The following TRPM6 variants were observed in gnomAD, a reference collection of about 807,000 sequenced individuals.
TRPM6 encodes channel kinase 2.
In TRPM6, 111 loss-of-function variants were observed where a neutral mutation model predicts 247.6. That is an observed-to-expected ratio of 0.45 (90% CI 0.38 to 0.52). TRPM6 has a LOEUF of 0.52. TRPM6 is among the 20% of genes least tolerant of loss of function. The pLI is 0.00. For missense variants in TRPM6, 2,126 were observed against 2,421.5 expected (o/e 0.88, Z 2.56); for synonymous variants, 892 against 853.8 (o/e 1.04, Z -0.78).
In TRPM6 at chr9:74,858,755, A is replaced by C; in HGVS notation, c.34-7T>G. The C allele has an allele frequency of 6.2e-7, 1 of 1,604,130 alleles. No homozygotes were observed. Among genetic ancestry groups the C allele is most frequent in the Non-Finnish European group, 8.5e-7 (1 of 1,171,236 alleles). On this transcript the variant is annotated splice_region_variant and splice_polypyrimidine_tract_variant and intron_variant, in intron 1 of 38. Coordinates refer to ENST00000360774, the MANE Select transcript of TRPM6 (RefSeq NM_017662.5). The stretch of plus-strand genomic sequence containing the variant: ...TAATCCAGGATTTCTGGGACTAAAA[A>C]GAAAGTGTCATTATTTTATACTCTA...
chr9:74,838,048 C>T (rs939882437), intron 5 of TRPM6, among the ~76,000 whole-genome samples: 1 of 152,254 alleles, frequency 6.6e-6, no homozygotes, highest in East Asian at 1.9e-4. Context: ...CTGTATCTGG[C>T]CTGACTGTTG....
At chr9:74,811,899 C>T (rs1828742136) in intron 12 of TRPM6, among the ~76,000 whole-genome samples, 2 of 152,120 alleles carry the variant, frequency 1.3e-5, no homozygotes. Flanking sequence ...GAGAAGAGTG[C>T]AGAAGGGAGC....
intron 18 of TRPM6, among the ~76,000 whole-genome samples, chr9:74,795,114 C>T (rs542765944): frequency 6.6e-6 from 1 of 152,134 alleles, no homozygotes; most frequent in East Asian, 1.9e-4. Context: ...TCCAGTTATC[C>T]TTGTGTCCCT....
In TRPM6 at chr9:74,739,765, A is replaced by G; in HGVS notation, c.5445T>C (p.His1815=). Residue 1815 remains histidine (H), a synonymous_variant, in exon 34 of 39, where the codon CAT becomes CAC. Coordinates refer to ENST00000360774, the MANE Select transcript of TRPM6 (RefSeq NM_017662.5). ...GCACAGTGCTCTCCTGGAAGATTTTATGCCATGTCCGCACAACCTCAGGAA... is the reference window on the plus strand; with the variant it reads ...GCACAGTGCTCTCCTGGAAGATTTTGTGCCATGTCCGCACAACCTCAGGAA... ...SFLPEVVRTW[H]KIFQESTVLH... is the part of the protein sequence containing the mutation. The G allele has an allele frequency of 6.2e-7, 1 of 1,614,030 alleles. No individual in the cohort carries two copies.
chr9:74,737,541 G>C (rs1415718811), intron 36 of TRPM6: 2 of 693,240 alleles, frequency 2.9e-6, no homozygotes, highest in Non-Finnish European at 4.4e-6. Flanking sequence ...ACTCTTAAAA[G>C]AAATAAAAGA....
At chr9:74,763,984 A>T (rs1294059926) in intron 25 of TRPM6, among the ~76,000 whole-genome samples, 1 of 152,146 alleles carries the variant, frequency 6.6e-6, no homozygotes, top group Non-Finnish European at 1.5e-5. Context: ...TCCCATCTCT[A>T]CTAAAAAATA....
intron 25 of TRPM6, among the ~76,000 whole-genome samples, chr9:74,769,869 G>A (rs1826970187): frequency 6.6e-6 from 1 of 152,046 alleles, no homozygotes; most frequent in Admixed American, 6.6e-5. Flanking sequence ...AGTGCCTAAA[G>A]CAGGACTTCA....
intron 5 of TRPM6, among the ~76,000 whole-genome samples, chr9:74,835,296 G>C (rs539932694): frequency 6.6e-6 from 1 of 152,066 alleles, no homozygotes; most frequent in East Asian, 1.9e-4. Context: ...ATTTCTTCTT[G>C]TAAATTTGTT....
intron 21 of TRPM6, among the ~76,000 whole-genome samples, chr9:74,783,904 T>G (rs894203287): frequency 6.6e-6 from 1 of 152,196 alleles, no homozygotes; most frequent in African/African-American, 2.4e-5. Flanking sequence ...AAGCCAAAGA[T>G]GATCTTGAGA....
chr9:74,746,782 T>C (rs1299253896), intron 31 of TRPM6, among the ~76,000 whole-genome samples: 1 of 134,642 alleles, frequency 7.4e-6, no homozygotes, highest in Non-Finnish European at 1.5e-5. Context: ...ATGGTGGCTT[T>C]AAGGCAGGAG....
rs529490304 is a variant in TRPM6 at position 74,762,748 on chromosome 9, C to A, written c.3923G>T (p.Arg1308Ile). The A allele has an allele frequency of 5.7e-5, 92 of 1,614,170 alleles. No individual in the cohort carries two copies. In the South Asian group the frequency reaches 9.6e-4, roughly 17 times the overall value. Residue 1308 changes from arginine to isoleucine, a missense_variant, in exon 26 of 39, where the codon AGA becomes ATA. By Grantham distance (97) the Arg-to-Ile change is moderately conservative (BLOSUM62 -3). This residue lies in a region of TRPM6 where 717 missense variants were observed against 715.9 expected (regional missense o/e 1.00). Transcript: ENST00000360774. ...GALLEITNSK[R>I]EATNVRNDQE... is the part of the protein sequence containing the mutation. ...GTCATTTCTTACATTTGTAGCCTCT[C>A]TTTTACTGTTTGTAATCTCAAGAAG...
At chr9:74,748,966 T>C (rs1397642844) in intron 30 of TRPM6, among the ~76,000 whole-genome samples, 1 of 152,206 alleles carries the variant, frequency 6.6e-6, no homozygotes, top group African/African-American at 2.4e-5. Context: ...AAGCATCCTA[T>C]ACAGGTGTAC....
intron 1 of TRPM6, among the ~76,000 whole-genome samples, chr9:74,864,910 A>G (rs1263649044): frequency 6.6e-6 from 1 of 152,032 alleles, no homozygotes; most frequent in African/African-American, 2.4e-5. Flanking sequence ...TGTCTCTACT[A>G]AAAATACAAA....
chr9:74,762,332 G>T lies in TRPM6; in HGVS notation c.4339C>A (p.Gln1447Lys). The T allele has an allele frequency of 6.2e-7, 1 of 1,614,200 alleles. No individual in the cohort carries two copies. The highest frequency in any genetic ancestry group is 1.3e-5 in the African/African-American group (1 of 75,040). ...CAGTTTACATATCCACCTCCAGTTT[G>T]CATGATCTTGGCTTGGGAAAGAGGG... Reference protein sequence around the residue: ...SSPLSQAKIMQTGGGYVNWAF... With the variant: ...SSPLSQAKIMKTGGGYVNWAF... Residue 1447 changes from glutamine (Q) to lysine (K), a missense_variant, in exon 26 of 39, where the codon CAA becomes AAA. Gln to Lys is a moderately conservative substitution (Grantham distance 53). Around this residue, in one of 3 missense-constraint regions of TRPM6, gnomAD observed 717 missense variants for 715.9 expected, o/e 1.00. Coordinates refer to ENST00000360774, the MANE Select transcript of TRPM6 (RefSeq NM_017662.5).
At chr9:74,749,245 T>C (rs986018895) in intron 30 of TRPM6, among the ~76,000 whole-genome samples, 48 of 152,196 alleles carry the variant, frequency 3.2e-4, no homozygotes, top group African/African-American at 1.1e-3. Context: ...TGACTGTATA[T>C]ATATTTGAAA....
chr9:74,817,177 C>T (rs1828964863), intron 9 of TRPM6, among the ~76,000 whole-genome samples: 1 of 152,042 alleles, frequency 6.6e-6, no homozygotes, highest in African/African-American at 2.4e-5. Flanking sequence ...TCCACATATC[C>T]AGAGGAAACA....
chr9:74,846,167 G>A (rs7874125), intron 3 of TRPM6, among the ~76,000 whole-genome samples: 3,167 of 152,234 alleles, frequency 0.021, 105 homozygotes, highest in African/African-American at 0.07. Flanking sequence ...AAGTTGATCA[G>A]GTAAGTTGAT....
At chr9:74,836,888 T>C (rs2118155601) in intron 5 of TRPM6, among the ~76,000 whole-genome samples, 1 of 152,320 alleles carries the variant, frequency 6.6e-6, no homozygotes, top group East Asian at 1.9e-4. Context: ...ACAAGACCAA[T>C]GCCAAGTGCT....
chr9:74,767,560 C>T (rs931077927), intron 25 of TRPM6, among the ~76,000 whole-genome samples: 8 of 152,170 alleles, frequency 5.3e-5, no homozygotes, highest in African/African-American at 1.9e-4. Flanking sequence ...CCCCTCTTTC[C>T]CATACCTCAT....
Sources: allele counts gnomAD v4.1 joint callset (sites outside exome capture counted in the v4.1 genomes callset), GRCh38; gene constraint gnomAD v4.1.1; regional missense constraint gnomAD v4.1.1; transcripts MANE v1.5; gene names NCBI Gene and HGNC (gene_info 2026-07-23, HGNC 2026-07-21).